SDK2: variants seen among roughly 807,000 people sequenced by gnomAD.
SDK2 encodes the protein protein sidekick-2.
A neutral mutation model predicts 253.9 loss-of-function variants in SDK2; 105 were observed. That is an observed-to-expected ratio of 0.41 (90% CI 0.35 to 0.49). SDK2 has a LOEUF of 0.49. Among genes scored for constraint, SDK2 ranks in the 20% least tolerant of loss-of-function variants. The pLI, the probability that SDK2 is intolerant of heterozygous loss-of-function variation, is 0.06. For missense variants in SDK2, 2,608 were observed against 3,003.0 expected (o/e 0.87, Z 3.07); for synonymous variants, 1,249 against 1,234.9 (o/e 1.01, Z -0.24).
intron 8 of SDK2, among the ~76,000 whole-genome samples, chr17:73,436,179 T>C (rs1567771793): frequency 6.6e-6 from 1 of 152,146 alleles, no homozygotes; most frequent in Non-Finnish European, 1.5e-5. Context: ...GGTCCAGTGT[T>C]CCCTGGGGGG....
chr17:73,440,600 C>T (rs1309953860), intron 6 of SDK2, among the ~76,000 whole-genome samples: 1 of 152,156 alleles, frequency 6.6e-6, no homozygotes, highest in Non-Finnish European at 1.5e-5. Flanking sequence ...CCATCCAGGG[C>T]CTGGTTTTCT....
At chr17:73,556,850 T>A (rs904380417) in intron 1 of SDK2, among the ~76,000 whole-genome samples, 1 of 152,104 alleles carries the variant, frequency 6.6e-6, no homozygotes, top group African/African-American at 2.4e-5. Context: ...TTCTGTAAAA[T>A]GGGGGTGATG....
chr17:73,402,242 A>C, intron 18 of SDK2, 101 bp from the exon 19 acceptor site: 1 of 1,281,600 alleles, frequency 7.8e-7, no homozygotes, highest in Non-Finnish European at 1.1e-6. Flanking sequence ...GTGTCCGGGG[A>C]CCGGAGTCCC....
intron 2 of SDK2, among the ~76,000 whole-genome samples, chr17:73,480,476 G>T (rs1485570473): frequency 6.6e-6 from 1 of 152,220 alleles, no homozygotes; most frequent in East Asian, 1.9e-4. Context: ...AGCCCCTTTA[G>T]TGGATCTTTT....
rs372881322 is a variant in SDK2, at chr17:73,478,981, C to T, written c.225-6763G>A. Among the ~76,000 whole-genome samples, 84 of 152,390 alleles carry T rather than the reference C, an allele frequency of 5.5e-4. No homozygotes were observed. In the South Asian group the frequency reaches 0.013, roughly 24 times the overall value. On this transcript the variant is annotated intron_variant, in intron 2 of 44. Coordinates refer to ENST00000392650, the MANE Select transcript of SDK2 (RefSeq NM_001144952.2). ...TCATGCATACTCACCCATGGTACAACGCACATTCATGCACGCCGTGCTGTG... is the reference window on the plus strand; with the variant it reads ...TCATGCATACTCACCCATGGTACAATGCACATTCATGCACGCCGTGCTGTG...
At chr17:73,368,939 G>C (rs563299224) in intron 36 of SDK2, among the ~76,000 whole-genome samples, 4 of 151,824 alleles carry the variant, frequency 2.6e-5, no homozygotes, top group Non-Finnish European at 5.9e-5. Context: ...TTGAACCTGG[G>C]AGGTGGAGGT....
chr17:73,483,549 G>T (rs1174818066), intron 2 of SDK2, among the ~76,000 whole-genome samples: 1 of 133,152 alleles, frequency 7.5e-6, no homozygotes, highest in African/African-American at 2.8e-5. Context: ...ATATATGTAT[G>T]TATATGTGTA....
At chr17:73,423,023 A>G (rs948413747) in intron 14 of SDK2, among the ~76,000 whole-genome samples, 8 of 49,718 alleles carry the variant, frequency 1.6e-4, no homozygotes, top group Non-Finnish European at 3.7e-4. Flanking sequence ...CTCCGTCTCA[A>G]AAATGAATAA....
intron 1 of SDK2, among the ~76,000 whole-genome samples, chr17:73,621,819 A>G (rs1220426403): frequency 6.6e-6 from 1 of 152,182 alleles, no homozygotes; most frequent in African/African-American, 2.4e-5. Context: ...AAAAACATCT[A>G]ACATAGGTGT....
intron 1 of SDK2, among the ~76,000 whole-genome samples, chr17:73,583,331 T>C (rs962718509): frequency 1.3e-5 from 2 of 152,224 alleles, no homozygotes; most frequent in African/African-American, 4.8e-5. Context: ...GAACAAGCCC[T>C]GACTCCTGTA....
chr17:73,379,113 C>G lies in SDK2; in HGVS notation c.4980+64G>C. 1.6e-6 allele frequency: 2 copies of G among 1,260,990 alleles called. No homozygotes were observed. The highest frequency in any genetic ancestry group is 2.2e-6 in the Non-Finnish European group (2 of 889,588). The allele number at this position is 1,260,990 out of a possible 1,614,324, so 78.1% of individuals were successfully genotyped here. Reference sequence around the variant, plus strand: ...CTGCCTGCCTCCCACATATCACTCACTCCCCAGCCTCCGACCTGGCTTCTC... The same window carrying G: ...CTGCCTGCCTCCCACATATCACTCAGTCCCCAGCCTCCGACCTGGCTTCTC... On this transcript the variant is annotated intron_variant, in intron 36 of 44. Transcript: ENST00000392650. The surrounding 1 kb of genome is among the most constrained non-coding windows in gnomAD (Gnocchi z 4.5).
At chr17:73,484,933 C>T (rs1198416249) in intron 2 of SDK2, among the ~76,000 whole-genome samples, 1 of 152,228 alleles carries the variant, frequency 6.6e-6, no homozygotes, top group African/African-American at 2.4e-5. Context: ...GGATTATAGC[C>T]ATGAGCCACT....
intron 11 of SDK2, among the ~76,000 whole-genome samples, 153 bp from the exon 12 acceptor site, chr17:73,430,766 G>A (rs751946432): frequency 3.9e-5 from 6 of 152,180 alleles, no homozygotes; most frequent in Non-Finnish European, 5.9e-5. Context: ...CATAGTTGGG[G>A]CTCATTAAAT....
In SDK2 at chr17:73,379,066, GATGA is replaced by G; in HGVS notation, c.4980+107_4980+110del. 2 of 766,490 alleles carry G rather than the reference GATGA, an allele frequency of 2.6e-6. No homozygotes were observed. Among genetic ancestry groups the G allele is most frequent in the Non-Finnish European group, 4.3e-6 (2 of 460,152 alleles). 47.5% of individuals were successfully genotyped at this position (766,490 alleles called of 1,614,324 possible). A position where few individuals can be genotyped will look rare whatever the true frequency, so the allele number is the denominator to read the frequency against. On this transcript the variant is annotated intron_variant, in intron 36 of 44. Transcript: ENST00000392650. This position sits in a 1 kb window ranked among gnomAD's most constrained non-coding sequence, Gnocchi z 4.5. ...GCCTGAAGGGCCGAGGAGCTGGCTG[GATGA>G]ATGGAGGGCCTGGGGACCTGCCTGC...
At chr17:73,421,033 CGG>C (rs916544541) in intron 15 of SDK2, among the ~76,000 whole-genome samples, 1 of 152,190 alleles carries the variant, frequency 6.6e-6, no homozygotes, top group African/African-American at 2.4e-5. Flanking sequence ...CAGTGTGATG[CGG>C]TGCAGCCGCA....
intron 36 of SDK2, among the ~76,000 whole-genome samples, chr17:73,377,859 G>A (rs889469055): frequency 2.0e-5 from 3 of 152,090 alleles, no homozygotes; most frequent in Non-Finnish European, 2.9e-5. Flanking sequence ...TGATCTGCCC[G>A]CCTTGGCCTC....
chr17:73,353,513 C>T (rs1476628878), intron 40 of SDK2, among the ~76,000 whole-genome samples: 4 of 152,018 alleles, frequency 2.6e-5, no homozygotes, highest in South Asian at 2.1e-4. Flanking sequence ...CTCTGCCTCC[C>T]GAGTTCAAGC....
intron 1 of SDK2, among the ~76,000 whole-genome samples, chr17:73,545,676 G>C (rs954423501): frequency 6.6e-6 from 1 of 152,120 alleles, no homozygotes; most frequent in Non-Finnish European, 1.5e-5. Flanking sequence ...CCTCCAACCA[G>C]ATTAAGGCCA....
intron 1 of SDK2, among the ~76,000 whole-genome samples, chr17:73,582,188 G>A (rs923271771): frequency 6.6e-6 from 1 of 152,078 alleles, no homozygotes; most frequent in African/African-American, 2.4e-5. Flanking sequence ...AGCATTTGGG[G>A]GCACACACCA....
Sources: allele counts gnomAD v4.1 joint callset (sites outside exome capture counted in the v4.1 genomes callset), GRCh38; gene constraint gnomAD v4.1.1; non-coding constraint Gnocchi (gnomAD v3.1); transcripts MANE v1.5; gene names NCBI Gene and HGNC (gene_info 2026-07-23, HGNC 2026-07-21).